GLMN: variants seen among roughly 807,000 people sequenced by gnomAD.
The protein encoded by GLMN is glomulin, FKBP associated protein.
GLMN carries 75 observed loss-of-function variants against 87.8 expected under a neutral mutation model. The ratio of observed to expected loss-of-function variants is 0.85; its 90% CI spans 0.71 to 1.04. GLMN has a LOEUF of 1.04. GLMN is among the 50% of genes least tolerant of loss of function. The pLI, the probability that GLMN is intolerant of heterozygous loss-of-function variation, is 0.00. For synonymous variants in GLMN, 206 were observed against 221.6 expected, an observed-to-expected ratio of 0.93 and a Z score of 0.63; for missense variants, 588 against 658.8, an observed-to-expected ratio of 0.89 and a Z score of 1.18.
At chr1:92,290,522 A>G (rs888607927) in intron 4 of GLMN, among the ~76,000 whole-genome samples, 3 of 152,226 alleles carry the variant, frequency 2.0e-5, no homozygotes, top group Non-Finnish European at 2.9e-5. Context: ...CAAGAAGTCA[A>G]TGGATCTTTA....
At chr1:92,305,720 CAT>C in the GLMN span, among the ~76,000 whole-genome samples, 6 of 151,916 alleles carry the variant, frequency 3.9e-5, no homozygotes, top group Non-Finnish European at 8.8e-5. Flanking sequence ...GGCTAATAAA[CAT>C]ATGAAAAGAT....
upstream of GLMN, among the ~76,000 whole-genome samples, chr1:92,301,308 A>G (rs1038484043): frequency 5.9e-5 from 9 of 152,194 alleles, no homozygotes; most frequent in African/African-American, 2.2e-4. Flanking sequence ...ACATAGTGAG[A>G]CCTTGTCTCT....
intron 7 of GLMN, among the ~76,000 whole-genome samples, chr1:92,284,858 T>C (rs1424534449): frequency 1.3e-5 from 2 of 151,892 alleles, no homozygotes; most frequent in Non-Finnish European, 2.9e-5. Context: ...CCAACAGACA[T>C]GAAAAAATGC....
At chr1:92,343,080 G>C in the GLMN span, among the ~76,000 whole-genome samples, 1 of 152,152 alleles carries the variant, frequency 6.6e-6, no homozygotes, top group Non-Finnish European at 1.5e-5. Flanking sequence ...GGGAAAGAGT[G>C]TTTGTTTATA....
chr1:92,300,381 TA>T (rs1650741151), upstream of GLMN: 1 of 670,090 alleles, frequency 1.5e-6, no homozygotes, highest in South Asian at 1.9e-5. Flanking sequence ...GGAAGGCCTA[TA>T]AATTCTCACA....
the GLMN span, among the ~76,000 whole-genome samples, chr1:92,361,864 C>T: frequency 6.6e-6 from 1 of 151,032 alleles, no homozygotes; most frequent in African/African-American, 2.4e-5. Flanking sequence ...TGTGGACTGA[C>T]AAAATAGAAG....
intron 16 of GLMN, among the ~76,000 whole-genome samples, chr1:92,259,957 G>A (rs184765960): frequency 6.6e-6 from 1 of 151,872 alleles, no homozygotes; most frequent in Non-Finnish European, 1.5e-5. Flanking sequence ...GGATGGTCTT[G>A]ATCTCCTGAC....
chr1:92,305,943 C>G, the GLMN span, among the ~76,000 whole-genome samples: 2 of 151,870 alleles, frequency 1.3e-5, no homozygotes, highest in Non-Finnish European at 2.9e-5. Context: ...TGGTATAAAC[C>G]CTAAAAAAAT....
At chr1:92,313,951 C>T in the GLMN span, among the ~76,000 whole-genome samples, 46 of 152,336 alleles carry the variant, frequency 3.0e-4, no homozygotes, top group Non-Finnish European at 4.9e-4. Context: ...TCTTCTGCAG[C>T]TTCCTCACCT....
chr1:92,293,648 T>G (rs1341807027), intron 3 of GLMN, among the ~76,000 whole-genome samples: 1 of 152,114 alleles, frequency 6.6e-6, no homozygotes, highest in Non-Finnish European at 1.5e-5. Flanking sequence ...TGAAGAGATA[T>G]TTGCACTCCC....
chr1:92,322,947 T>C, the GLMN span, among the ~76,000 whole-genome samples: 1 of 147,594 alleles, frequency 6.8e-6, no homozygotes, highest in Non-Finnish European at 1.5e-5. Flanking sequence ...TTATATATTA[T>C]ATATAATATA....
the GLMN span, among the ~76,000 whole-genome samples, chr1:92,350,114 C>G: frequency 6.6e-6 from 1 of 152,208 alleles, no homozygotes; most frequent in East Asian, 1.9e-4. Context: ...CTCACTGATT[C>G]CATGGGACTT....
At chr1:92,275,122 T>C (rs1425162836) in intron 7 of GLMN, among the ~76,000 whole-genome samples, 1 of 152,250 alleles carries the variant, frequency 6.6e-6, no homozygotes, top group Non-Finnish European at 1.5e-5. Context: ...TGCTCAGTAC[T>C]ACTGACTCAT....
At chr1:92,324,339 G>A in the GLMN span, 1 of 1,613,766 alleles carries the variant, frequency 6.2e-7, no homozygotes, top group Admixed American at 1.7e-5. Context: ...GGTATGTTTT[G>A]GGTGAAGAAA....
At chr1:92,362,614 C>T in the GLMN span, among the ~76,000 whole-genome samples, 2 of 152,276 alleles carry the variant, frequency 1.3e-5, no homozygotes, top group Admixed American at 6.5e-5. Flanking sequence ...GCAGCAAAAG[C>T]ACTTCAGAAA....
the GLMN span, among the ~76,000 whole-genome samples, chr1:92,334,547 A>G: frequency 6.6e-6 from 1 of 152,084 alleles, no homozygotes; most frequent in Non-Finnish European, 1.5e-5. Context: ...AAATATTACT[A>G]CAAAATAAGA....
chr1:92,364,849 A>G, the GLMN span, among the ~76,000 whole-genome samples: 3 of 151,968 alleles, frequency 2.0e-5, no homozygotes, highest in African/African-American at 7.3e-5. Flanking sequence ...AAATCATCTC[A>G]CTGAAGCTTA....
the GLMN span, among the ~76,000 whole-genome samples, chr1:92,334,848 C>A: frequency 1.3e-5 from 2 of 151,876 alleles, no homozygotes; most frequent in African/African-American, 4.8e-5. Context: ...ATTAGCCGGG[C>A]GTGGTGGCGG....
chr1:92,330,681 A>C, the GLMN span, among the ~76,000 whole-genome samples: 1 of 151,988 alleles, frequency 6.6e-6, no homozygotes, highest in African/African-American at 2.4e-5. Flanking sequence ...CGAACTCGTG[A>C]GCTCAAGTGA....
Sources: gnomAD v4.1 joint callset for allele counts (sites outside exome capture counted in the v4.1 genomes callset) on GRCh38, gnomAD v4.1.1 for gene constraint, MANE v1.5 for transcripts, NCBI Gene and HGNC (gene_info 2026-07-23, HGNC 2026-07-21) for gene names.